Variants in SPEG observed in about 807,000 individuals in gnomAD.
SPEG encodes the protein striated muscle enriched protein kinase.
In SPEG, 114 loss-of-function variants were observed where a neutral mutation model predicts 300.4. That is an observed-to-expected ratio of 0.38 (90% CI 0.33 to 0.44). The LOEUF is 0.44. SPEG is among the 20% of genes least tolerant of loss of function. The probability of loss-of-function intolerance (pLI) is 1.00; values close to 1 mark genes in which losing one functional copy is unlikely to be tolerated. For synonymous variants in SPEG, 1,964 were observed against 2,018.9 expected, an observed-to-expected ratio of 0.97 and a Z score of 0.73; for missense variants, 4,201 against 4,586.2, an observed-to-expected ratio of 0.92 and a Z score of 2.43.
At chr2:219,461,398 G>A (rs1271060439) in intron 6 of SPEG, 3 of 1,002,936 alleles carry the variant, frequency 3.0e-6, no homozygotes, top group Non-Finnish European at 3.6e-6. Context: ...AGGTCGGGAT[G>A]TGACTTGTCT....
chr2:219,450,131 A>G (rs1180153035), intron 4 of SPEG, among the ~76,000 whole-genome samples: 1 of 152,178 alleles, frequency 6.6e-6, no homozygotes. Flanking sequence ...ATTATTTTGC[A>G]TTTAAGTATT....
chr2:219,476,408 C>A (rs1202199494), intron 18 of SPEG, among the ~76,000 whole-genome samples: 2 of 152,166 alleles, frequency 1.3e-5, no homozygotes, highest in Non-Finnish European at 2.9e-5. Context: ...CAGAAGCCAG[C>A]GGGTGGCCCT....
Position 219,485,045 on chromosome 2 carries a change from G to A in SPEG, c.7582G>A (p.Glu2528Lys), listed in dbSNP as rs900579783. Residue 2528 changes from glutamate (E) to lysine (K), a missense_variant, in exon 30 of 41, where the codon GAG becomes AAG. Glu to Lys is a moderately conservative substitution (Grantham distance 56). Transcript: ENST00000312358. Reference sequence around the variant, plus strand: ...GCCTTCCGCCGAGTCCCTGGGCTCCGAGGCCAGCGCCACGTCGGGCTCCTC... The same window carrying A: ...GCCTTCCGCCGAGTCCCTGGGCTCCAAGGCCAGCGCCACGTCGGGCTCCTC... ...TTPSAESLGS[E>K]ASATSGSSAP... The A allele has an allele frequency of 5.9e-6, 9 of 1,532,598 alleles. No homozygotes were observed. The East Asian group carries it at 2.0e-4, about 33-fold the overall frequency. The allele number at this position is 1,532,598 out of a possible 1,614,324, so 94.9% of individuals were successfully genotyped here.
At position 219,485,001 on chromosome 2, in the gene SPEG, C is replaced by T; in HGVS notation, c.7538C>T (p.Ala2513Val). ...GGCCTTCCGCACAACCAGTTGGCCG[C>T]CCAGGCCGGCGCCACCACGCCTTCC... Reference protein sequence around the residue: ...RLGLPHNQLAAQAGATTPSAE... With the variant: ...RLGLPHNQLAVQAGATTPSAE... The change falls in exon 30 of 41, where the codon GCC (alanine) becomes GTC (valine). Residue 2513 changes from alanine (A) to valine (V), a missense_variant. Ala to Val is a moderately conservative substitution (Grantham distance 64). Around this residue, in one of 4 missense-constraint regions of SPEG, gnomAD observed 1,578 missense variants for 1,506.0 expected, o/e 1.05. Transcript: ENST00000312358. 6.5e-7 allele frequency: 1 copy of T among 1,531,448 alleles called. No homozygotes were observed. The highest frequency in any genetic ancestry group is 8.7e-7 in the Non-Finnish European group (1 of 1,145,368). The allele number at this position is 1,531,448 out of a possible 1,614,324, so 94.9% of individuals were successfully genotyped here.
In SPEG at chr2:219,480,831, A is replaced by G; in HGVS notation, c.5369+134A>G. ...ACTGCAAGGAGCCTCATGTGCATGAAGGTGGACACCCCTGTCTGCATGCCC... is the reference window on the plus strand; with the variant it reads ...ACTGCAAGGAGCCTCATGTGCATGAGGGTGGACACCCCTGTCTGCATGCCC... On this transcript the variant is annotated intron_variant, in intron 26 of 40. Coordinates refer to ENST00000312358, the MANE Select transcript of SPEG (RefSeq NM_005876.5). The surrounding 1 kb of genome is among the most constrained non-coding windows in gnomAD (Gnocchi z 5.3). 1 of 850,338 alleles carries G rather than the reference A, an allele frequency of 1.2e-6. No homozygotes were observed. The highest frequency in any genetic ancestry group is 2.0e-6 in the Non-Finnish European group (1 of 511,438). The allele number at this position is 850,338 out of a possible 1,614,324, so 52.7% of individuals were successfully genotyped here. A position where few individuals can be genotyped will look rare whatever the true frequency, so the allele number is the denominator to read the frequency against.
intron 18 of SPEG, chr2:219,474,176 G>A (rs1427503627): frequency 2.2e-5 from 7 of 324,874 alleles, no homozygotes; most frequent in East Asian, 2.1e-4. Context: ...TCAGGAGTTC[G>A]TGACCAGCCT....
In SPEG at chr2:219,464,651, C is replaced by T; in HGVS notation, c.2881+43C>T. On this transcript the variant is annotated intron_variant, in intron 9 of 40. Coordinates refer to ENST00000312358, the MANE Select transcript of SPEG (RefSeq NM_005876.5). This position sits in a 1 kb window ranked among gnomAD's most constrained non-coding sequence, Gnocchi z 4.5. ...CCATGAATGCCCACCTGGCCCTGGC[C>T]CCTTCCTTCCCCCACTGTCTGCTCT... 1 of 1,581,682 alleles carries T rather than the reference C, an allele frequency of 6.3e-7. No individual in the cohort carries two copies. The highest frequency in any genetic ancestry group is 8.7e-7 in the Non-Finnish European group (1 of 1,153,628).
In SPEG at chr2:219,448,373, G is replaced by T. The variant is rs751543325; in HGVS notation, c.1215G>T (p.Gln405His). 19 of 1,568,686 alleles carry T rather than the reference G, an allele frequency of 1.2e-5. No individual in the cohort carries two copies. Among genetic ancestry groups the T allele is most frequent in the African/African-American group, 4.1e-5 (3 of 73,144 alleles). ...GCTCCCGCATCCTGGACAAGCTGCA[G>T]TTCTTCGAGGAGCGACGGCGCAGCC... ...RAGSRILDKL[Q>H]FFEERRRSLE... Residue 405 changes from glutamine to histidine, a missense_variant, in exon 4 of 41, where the codon CAG becomes CAT. Gln to His is a conservative substitution (Grantham distance 24, BLOSUM62 0). Around this residue, in one of 4 missense-constraint regions of SPEG, gnomAD observed 1,258 missense variants for 1,293.9 expected, o/e 0.97. Transcript: ENST00000312358.
In SPEG at chr2:219,473,735, G is replaced by GGGGCCCTCCTAGAGGCAC; in HGVS notation, c.4285_4302dup (p.Leu1429_Ala1434dup). On this transcript the variant is annotated inframe_insertion, in exon 18 of 41. Transcript: ENST00000312358. This position sits in a 1 kb window ranked among gnomAD's most constrained non-coding sequence, Gnocchi z 4.6. Reference sequence around the variant, plus strand: ...CTGTCATGTGTCCCCTAGCTGCCGAGGGGCCCTCCTAGAGGCACGGGCCGG... The same window carrying GGGGCCCTCCTAGAGGCAC: ...CTGTCATGTGTCCCCTAGCTGCCGAGGGGCCCTCCTAGAGGCACGGGCCCTCCTAGAGGCACGGGCCGG... 2 of 1,613,006 alleles carry GGGGCCCTCCTAGAGGCAC rather than the reference G, an allele frequency of 1.2e-6. No homozygotes were observed. Among genetic ancestry groups the GGGGCCCTCCTAGAGGCAC allele is most frequent in the Non-Finnish European group, 1.7e-6 (2 of 1,179,282 alleles).
At position 219,490,577 on chromosome 2, in the gene SPEG, C is replaced by A; in HGVS notation, c.9090C>A (p.Ile3030=). Residue 3030 remains isoleucine, a synonymous_variant, in exon 37 of 41, where the codon ATC becomes ATA. Coordinates refer to ENST00000312358, the MANE Select transcript of SPEG (RefSeq NM_005876.5). ...ERIMSLHEAY[I]TPRYLVLIAE... Reference sequence around the variant, plus strand: ...TCATGTCCCTGCACGAGGCCTACATCACCCCTCGGTACCTCGTGCTCATTG... The same window carrying A: ...TCATGTCCCTGCACGAGGCCTACATAACCCCTCGGTACCTCGTGCTCATTG... 1 of 1,614,074 alleles carries A rather than the reference C, an allele frequency of 6.2e-7. No individual in the cohort carries two copies. Among genetic ancestry groups the A allele is most frequent in the East Asian group, 2.2e-5 (1 of 44,878 alleles).
rs1692111651 is a variant in SPEG, at chr2:219,473,877, C to T, written c.4421C>T (p.Thr1474Ile). The change falls in exon 18 of 41, where the codon ACC becomes ATC. Residue 1474 changes from threonine to isoleucine, a missense_variant. Thr to Ile is a moderately conservative substitution (Grantham distance 89). Coordinates refer to ENST00000312358, the MANE Select transcript of SPEG (RefSeq NM_005876.5). This position sits in a 1 kb window ranked among gnomAD's most constrained non-coding sequence, Gnocchi z 4.6. ...CTARNRHGTQ[T>I]CSVTLELAEA... ...GCCCGAAACCGTCACGGCACACAGA[C>T]CTGCTCGGTCACATTGGAGCTGGCA... 1 of 1,612,628 alleles carries T rather than the reference C, an allele frequency of 6.2e-7. No individual in the cohort carries two copies. The highest frequency in any genetic ancestry group is 1.3e-5 in the African/African-American group (1 of 75,048).
intron 4 of SPEG, chr2:219,450,538 G>A (rs769696732): frequency 6.6e-6 from 1 of 152,224 alleles, no homozygotes; most frequent in Non-Finnish European, 1.5e-5. Flanking sequence ...TTCCTCTAGT[G>A]TTCTTGGTAC....
Position 219,476,862 on chromosome 2 carries a change from T to A in SPEG, c.4448-8T>A. On this transcript the variant is annotated splice_polypyrimidine_tract_variant and splice_region_variant and intron_variant, in intron 18 of 40. Transcript: ENST00000312358. ...TTCTCTTCCCACCCCTATCCCCATG[T>A]GTTTCAGAGGCCCCTCGGTTTGAGT... is the stretch of plus-strand genomic sequence containing the variant. 6.2e-7 allele frequency: 1 copy of A among 1,610,684 alleles called. No homozygotes were observed.
chr2:219,450,992 C>A, intron 4 of SPEG, 144 bp from the exon 5 acceptor site: 3 of 777,928 alleles, frequency 3.9e-6, no homozygotes, highest in Non-Finnish European at 5.9e-6. Flanking sequence ...AGGAGGCAGA[C>A]CCTCTTCTCC....
In SPEG at chr2:219,483,729, G is replaced by A. The variant is rs1373427119; in HGVS notation, c.6266G>A (p.Gly2089Asp). ...GATGGCAAGGTCAGCGGCCTCAGGGGTCCCCTGCTGGAGAGCCTGGGGGGC... is the reference window on the plus strand; with the variant it reads ...GATGGCAAGGTCAGCGGCCTCAGGGATCCCCTGCTGGAGAGCCTGGGGGGC... The part of the protein sequence containing the change: ...PEDGKVSGLR[G>D]PLLESLGGRA... Residue 2089 changes from glycine to aspartate, a missense_variant, in exon 30 of 41, where the codon GGT becomes GAT. This residue lies in a region of SPEG where 1,578 missense variants were observed against 1,506.0 expected (regional missense o/e 1.05). Coordinates refer to ENST00000312358, the MANE Select transcript of SPEG (RefSeq NM_005876.5). 3.3e-6 allele frequency: 5 copies of A among 1,536,442 alleles called. No individual in the cohort carries two copies. Among genetic ancestry groups the A allele is most frequent in the Admixed American group, 1.9e-5 (1 of 51,310 alleles).
rs534525374 is a variant in SPEG at position 219,480,120 on chromosome 2, G to C, written c.5322G>C (p.Val1774=). The stretch of plus-strand genomic sequence containing the variant: ...CCGAGATTGTCAATCAGAGCCCCGT[G>C]TCTGGAGTCACTGACATCTGGTAAG... ...VAPEIVNQSP[V]SGVTDIWPVG... is the part of the protein sequence containing the mutation. Residue 1774 remains valine, a synonymous_variant, in exon 25 of 41, where the codon GTG becomes GTC. Coordinates refer to ENST00000312358, the MANE Select transcript of SPEG (RefSeq NM_005876.5). The surrounding 1 kb of genome is among the most constrained non-coding windows in gnomAD (Gnocchi z 5.3). 1 of 1,613,906 alleles carries C rather than the reference G, an allele frequency of 6.2e-7. No individual in the cohort carries two copies. The highest frequency in any genetic ancestry group is 1.1e-5 in the South Asian group (1 of 91,076).
Position 219,473,754 on chromosome 2 carries a change from G to A in SPEG, c.4298G>A (p.Arg1433Gln), listed in dbSNP as rs200847303. 4.6e-4 allele frequency: 742 copies of A among 1,613,756 alleles called. No homozygotes were observed. The highest frequency in any genetic ancestry group is 6.1e-4 in the Non-Finnish European group (723 of 1,179,918). The change falls in exon 18 of 41, where the codon CGG (arginine) becomes CAG (glutamine). Residue 1433 changes from arginine (R) to glutamine (Q), a missense_variant. Physicochemically the swap from Arg to Gln is conservative, Grantham distance 43. Around this residue, in one of 4 missense-constraint regions of SPEG, gnomAD observed 1,047 missense variants for 1,356.8 expected, o/e 0.77. Coordinates refer to ENST00000312358, the MANE Select transcript of SPEG (RefSeq NM_005876.5). This position sits in a 1 kb window ranked among gnomAD's most constrained non-coding sequence, Gnocchi z 4.6. The part of the protein sequence containing the change: ...RSCRGALLEA[R>Q]AGVYELSQPD... ...TGCCGAGGGGCCCTCCTAGAGGCAC[G>A]GGCCGGTGTGTACGAGCTGAGCCAG...
intron 6 of SPEG, among the ~76,000 whole-genome samples, chr2:219,455,803 C>T (rs1177031405): frequency 6.6e-6 from 1 of 152,200 alleles, no homozygotes; most frequent in East Asian, 1.9e-4. Context: ...TGTTTCCTTG[C>T]ATGCCTGATG....
intron 1 of SPEG, 141 bp downstream of exon 1, chr2:219,435,506 C>A: frequency 1.0e-6 from 1 of 978,426 alleles, no homozygotes; most frequent in Non-Finnish European, 1.4e-6. Context: ...GGCTGCCCGG[C>A]CCCAGAAGTG....
Sources: allele counts gnomAD v4.1 joint callset (sites outside exome capture counted in the v4.1 genomes callset), GRCh38; gene constraint gnomAD v4.1.1; regional missense constraint gnomAD v4.1.1; non-coding constraint Gnocchi (gnomAD v3.1); transcripts MANE v1.5; gene names NCBI Gene and HGNC (gene_info 2026-07-23, HGNC 2026-07-21).